Variants in GOSR2 observed in about 807,000 individuals in gnomAD.
GOSR2 encodes golgi SNAP receptor complex member 2.
In GOSR2, 20 loss-of-function variants were observed where a neutral mutation model predicts 27.9. The ratio of observed to expected loss-of-function variants is 0.72; its 90% CI spans 0.50 to 1.04. The LOEUF is 1.04. Among genes scored for constraint, GOSR2 ranks in the 50% least tolerant of loss-of-function variants. The probability of loss-of-function intolerance (pLI) is 0.00; values close to 1 mark genes in which losing one functional copy is unlikely to be tolerated. For missense variants in GOSR2, 261 were observed against 270.5 expected, an observed-to-expected ratio of 0.97 and a Z score of 0.25; for synonymous variants, 91 against 98.8, an observed-to-expected ratio of 0.92 and a Z score of 0.47.
intron 1 of GOSR2, chr17:46,923,707 C>G: frequency 1.8e-6 from 1 of 564,764 alleles, no homozygotes; most frequent in Non-Finnish European, 2.6e-6. Context: ...AAAGAAATTG[C>G]TGTCCACGTA....
At chr17:46,946,353 C>T (rs1210792246), downstream of GOSR2, among the ~76,000 whole-genome samples, 2 of 148,808 alleles carry the variant, frequency 1.3e-5, no homozygotes, top group African/African-American at 2.5e-5. Context: ...CCCAGCTGCT[C>T]GGGAGGCTGA....
chr17:46,952,538 G>A (rs1352764601), intron 6 of GOSR2: 1 of 152,164 alleles, frequency 6.6e-6, no homozygotes, highest in Non-Finnish European at 1.5e-5. Context: ...TGGTCAATAA[G>A]ATATGGGCAG....
chr17:46,928,319 C>T (rs1340994719), intron 1 of GOSR2, among the ~76,000 whole-genome samples: 1 of 152,164 alleles, frequency 6.6e-6, no homozygotes, highest in Non-Finnish European at 1.5e-5. Context: ...GCCTGGCTGG[C>T]ATTGGTAGAT....
intron 6 of GOSR2, among the ~76,000 whole-genome samples, chr17:46,958,562 T>C (rs1016547510): frequency 5.3e-5 from 8 of 152,182 alleles, no homozygotes; most frequent in African/African-American, 1.9e-4. Context: ...GAGCTCCTTT[T>C]GAGCTGCTTA....
rs944554880 is a variant in GOSR2 at position 46,939,094 on chromosome 17, T to C, written c.*334T>C. The C allele has an allele frequency of 3.5e-5, 42 of 1,211,996 alleles. No homozygotes were observed. The highest frequency in any genetic ancestry group is 7.0e-5 in the Admixed American group (2 of 28,390). 75.1% of individuals were successfully genotyped at this position (1,211,996 alleles called of 1,614,324 possible). ...GCGTGCCCTGGGAAGGTGTCCACAGTGAGCCCTGTGTGCAGGACTGTCCAC... is the reference window on the plus strand; with the variant it reads ...GCGTGCCCTGGGAAGGTGTCCACAGCGAGCCCTGTGTGCAGGACTGTCCAC... On this transcript the variant is annotated 3_prime_UTR_variant, in exon 6 of 6. Coordinates refer to ENST00000640051, the MANE Select transcript of GOSR2 (RefSeq NM_004287.5).
chr17:46,938,762 C>G lies in GOSR2; in HGVS notation c.*2C>G. 6.2e-7 allele frequency: 1 copy of G among 1,613,670 alleles called. No homozygotes were observed. Among genetic ancestry groups the G allele is most frequent in the East Asian group, 2.2e-5 (1 of 44,878 alleles). On this transcript the variant is annotated 3_prime_UTR_variant, in exon 6 of 6. Transcript: ENST00000640051. ...CTCGTGGTGCAGTACCTGACATGAGCCAGCCACGCTCAGTGGCTGAACAGC... is the reference window on the plus strand; with the variant it reads ...CTCGTGGTGCAGTACCTGACATGAGGCAGCCACGCTCAGTGGCTGAACAGC...
chr17:46,928,021 C>G (rs1163367998), intron 1 of GOSR2, among the ~76,000 whole-genome samples: 4 of 152,140 alleles, frequency 2.6e-5, no homozygotes, highest in Non-Finnish European at 4.4e-5. Context: ...CTTGGTTGCC[C>G]TGCTTCAGGT....
chr17:46,942,383 C>T (rs769386618), downstream of GOSR2, among the ~76,000 whole-genome samples: 4 of 152,214 alleles, frequency 2.6e-5, no homozygotes, highest in Non-Finnish European at 5.9e-5. Context: ...ATCATTTATC[C>T]TCATTATGCA....
chr17:46,941,157 T>C lies in GOSR2; in HGVS notation c.*2397T>C. 9.9e-7 allele frequency: 1 copy of C among 1,008,574 alleles called. No homozygotes were observed. Among genetic ancestry groups the C allele is most frequent in the Non-Finnish European group, 1.2e-6 (1 of 842,084 alleles). 62.5% of individuals were successfully genotyped at this position (1,008,574 alleles called of 1,614,324 possible). A position where few individuals can be genotyped will look rare whatever the true frequency, so the allele number is the denominator to read the frequency against. ...TTGAGATCTCTTTATTACATGGACATTTACTTCAGGGGGACCACTGTAAGA... is the reference window on the plus strand; with the variant it reads ...TTGAGATCTCTTTATTACATGGACACTTACTTCAGGGGGACCACTGTAAGA... On this transcript the variant is annotated 3_prime_UTR_variant, in exon 6 of 6. Transcript: ENST00000640051.
chr17:46,941,912 T>G lies in GOSR2; in HGVS notation c.*3152T>G, dbSNP rs1056074141. On this transcript the variant is annotated 3_prime_UTR_variant, in exon 6 of 6. Transcript: ENST00000640051. ...CTAAGGTGATTCTGATGTGTGTATT[T>G]TGGAACCACTGTCTCCTAGACAGAA... The G allele has an allele frequency of 7.1e-6, 7 of 984,992 alleles. No homozygotes were observed. In the African/African-American group the frequency reaches 1.0e-4, roughly 15 times the overall value. The allele number at this position is 984,992 out of a possible 1,614,324, so 61.0% of individuals were successfully genotyped here.
chr17:46,970,290 C>T (rs945581527), downstream of GOSR2, among the ~76,000 whole-genome samples: 4 of 152,062 alleles, frequency 2.6e-5, no homozygotes, highest in African/African-American at 9.7e-5. Flanking sequence ...CCTGTAATCC[C>T]AGCACTTTGG....
intron 2 of GOSR2, 125 bp downstream of exon 2, chr17:46,929,709 G>T: frequency 1.5e-6 from 1 of 679,080 alleles, no homozygotes. Context: ...TTTGTTGTTA[G>T]GGTGGACAGA....
rs751372410 is a variant in GOSR2 at position 46,938,811 on chromosome 17, G to A, written c.*51G>A. ...GCATTCCCACAGCCTGCAAGTGTGTGTGTGTGTGAAAGAGAGAGGGGGGCC... is the reference window on the plus strand; with the variant it reads ...GCATTCCCACAGCCTGCAAGTGTGTATGTGTGTGAAAGAGAGAGGGGGGCC... On this transcript the variant is annotated 3_prime_UTR_variant, in exon 6 of 6. Coordinates refer to ENST00000640051, the MANE Select transcript of GOSR2 (RefSeq NM_004287.5). 1 of 1,612,222 alleles carries A rather than the reference G, an allele frequency of 6.2e-7. No homozygotes were observed. The highest frequency in any genetic ancestry group is 2.2e-5 in the East Asian group (1 of 44,866).
intron 1 of GOSR2, among the ~76,000 whole-genome samples, chr17:46,925,018 G>A (rs1251421889): frequency 6.6e-6 from 1 of 152,188 alleles, no homozygotes; most frequent in East Asian, 1.9e-4. Context: ...AGAGAAAACT[G>A]CATGGCTCAG....
rs913974876 is a variant in GOSR2 at position 46,941,976 on chromosome 17, C to A, written c.*3216C>A. ...AAGATGATCACATTGGTGTAAAGAGCAAAACTTGTTAAGTCCAAAATAAAT... is the reference window on the plus strand; with the variant it reads ...AAGATGATCACATTGGTGTAAAGAGAAAAACTTGTTAAGTCCAAAATAAAT... On this transcript the variant is annotated 3_prime_UTR_variant, in exon 6 of 6. Coordinates refer to ENST00000640051, the MANE Select transcript of GOSR2 (RefSeq NM_004287.5). The A allele has an allele frequency of 1.0e-6, 1 of 984,150 alleles. No homozygotes were observed. The highest frequency in any genetic ancestry group is 1.7e-5 in the African/African-American group (1 of 57,290). The allele number at this position is 984,150 out of a possible 1,614,324, so 61.0% of individuals were successfully genotyped here.
chr17:46,970,295 C>T (rs1362567011), downstream of GOSR2, among the ~76,000 whole-genome samples: 1 of 152,148 alleles, frequency 6.6e-6, no homozygotes, highest in Non-Finnish European at 1.5e-5. Context: ...AATCCCAGCA[C>T]TTTGGGAGGC....
intron 6 of GOSR2, among the ~76,000 whole-genome samples, chr17:46,959,093 T>C (rs1283249591): frequency 6.6e-6 from 1 of 152,142 alleles, no homozygotes; most frequent in Non-Finnish European, 1.5e-5. Context: ...TGAGAGTCAG[T>C]ACAAAGACTG....
intron 5 of GOSR2, 65 bp downstream of exon 5, chr17:46,935,234 A>C: frequency 6.2e-7 from 1 of 1,611,758 alleles, no homozygotes; most frequent in African/African-American, 1.3e-5. Context: ...CAGTTTAGTA[A>C]CTGTGTTTAT....
At chr17:46,965,025 G>A (rs965036150) in intron 6 of GOSR2, 1 of 152,214 alleles carries the variant, frequency 6.6e-6, no homozygotes, top group Non-Finnish European at 1.5e-5. Context: ...ATTCACTGGA[G>A]TTTTTCACCC....
Sources: allele counts gnomAD v4.1 joint callset (sites outside exome capture counted in the v4.1 genomes callset), GRCh38; gene constraint gnomAD v4.1.1; transcripts MANE v1.5; gene names NCBI Gene and HGNC (gene_info 2026-07-23, HGNC 2026-07-21).